CSMD1: variants seen among roughly 807,000 people sequenced by gnomAD.
CSMD1 encodes the protein CUB and sushi domain-containing protein 1.
Under a neutral mutation model 417.5 loss-of-function variants are expected in CSMD1, and 213 were observed. The ratio of observed to expected loss-of-function variants is 0.51; its 90% CI spans 0.46 to 0.57. CSMD1 has a LOEUF of 0.57. Among genes scored for constraint, CSMD1 ranks in the 20% least tolerant of loss-of-function variants. The pLI is 0.00. For missense variants in CSMD1, 6,923 were observed against 4,529.7 expected, an observed-to-expected ratio of 1.53 and a Z score of -15.17; for synonymous variants, 2,862 against 1,736.8, an observed-to-expected ratio of 1.65 and a Z score of -16.11.
chr8:3,157,697 G>C (rs998526971), intron 39 of CSMD1, among the ~76,000 whole-genome samples, 200 bp downstream of exon 39: 2 of 152,244 alleles, frequency 1.3e-5, no homozygotes, highest in African/African-American at 4.8e-5. Context: ...GACACACTGA[G>C]AAGACGGAGT....
At chr8:3,457,185 C>T (rs554850228) in intron 12 of CSMD1, among the ~76,000 whole-genome samples, 64 of 151,736 alleles carry the variant, frequency 4.2e-4, no homozygotes, top group East Asian at 2.1e-3. Flanking sequence ...GACTCCTCAT[C>T]GTGGACTCCT....
chr8:3,110,465 A>C, intron 42 of CSMD1, 130 bp from the exon 43 acceptor site: 1 of 706,738 alleles, frequency 1.4e-6, no homozygotes, highest in Non-Finnish European at 2.1e-6. Flanking sequence ...ATATTTCTGA[A>C]TCACCATTTT....
chr8:4,985,051 G>T (rs1205337652), intron 1 of CSMD1, among the ~76,000 whole-genome samples: 1 of 152,168 alleles, frequency 6.6e-6, no homozygotes, highest in Non-Finnish European at 1.5e-5. Flanking sequence ...ACAAGATCAT[G>T]TCCTTTGCAG....
At chr8:4,133,514 C>T (rs1803235975) in intron 3 of CSMD1, among the ~76,000 whole-genome samples, 1 of 152,184 alleles carries the variant, frequency 6.6e-6, no homozygotes, top group Non-Finnish European at 1.5e-5. Flanking sequence ...AATTATTCCT[C>T]ATATTCTACT....
rs1164719668 is a variant in CSMD1 at position 3,598,794 on chromosome 8, GA to G, written c.1098-12535del. Among the ~76,000 whole-genome samples the G allele has an allele frequency of 2.0e-5, 3 of 152,206 alleles. No homozygotes were observed. The East Asian group carries it at 5.8e-4, about 30-fold the overall frequency. ...AGCAGATACAAAGCACAGAAAAGCT[GA>G]AATTGGGCCAGGTGCAGTGACTCAC... is the stretch of plus-strand genomic sequence containing the variant. On this transcript the variant is annotated intron_variant, in intron 8 of 69. Transcript: ENST00000635120.
intron 10 of CSMD1, among the ~76,000 whole-genome samples, chr8:3,511,070 G>A (rs995731394): frequency 5.3e-5 from 8 of 151,848 alleles, no homozygotes; most frequent in African/African-American, 1.9e-4. Flanking sequence ...ATGACTTGAT[G>A]TCCTTTGCAG....
chr8:4,933,370 G>A lies in CSMD1; in HGVS notation c.85+60962C>T, dbSNP rs554049077. Among the ~76,000 whole-genome samples, 7 of 152,252 alleles carry A rather than the reference G, an allele frequency of 4.6e-5. No homozygotes were observed. The South Asian group carries it at 1.5e-3, about 32-fold the overall frequency. ...TATCCCCCATTTTGGTAAACTGTAA[G>A]TGCTGCTTCCTCCTCGCCATCTGAC... On this transcript the variant is annotated intron_variant, in intron 1 of 69. Transcript: ENST00000635120.
chr8:3,630,919 T>C (rs1796753567), intron 7 of CSMD1, among the ~76,000 whole-genome samples: 1 of 152,164 alleles, frequency 6.6e-6, no homozygotes, highest in Non-Finnish European at 1.5e-5. Context: ...CGAGATCTCT[T>C]AGAGAAACAT....
At chr8:4,632,174 C>G (rs567243323) in intron 2 of CSMD1, among the ~76,000 whole-genome samples, 7 of 152,148 alleles carry the variant, frequency 4.6e-5, no homozygotes, top group Non-Finnish European at 1.0e-4. Context: ...TGCACAGTGG[C>G]AGGGATGAGT....
At chr8:3,789,516 A>C (rs1799617043) in intron 5 of CSMD1, among the ~76,000 whole-genome samples, 1 of 149,614 alleles carries the variant, frequency 6.7e-6, no homozygotes, top group South Asian at 2.1e-4. Flanking sequence ...GCTACCATTC[A>C]GGTTTTTATG....
intron 1 of CSMD1, among the ~76,000 whole-genome samples, chr8:4,805,035 A>G (rs1475616245): frequency 6.6e-6 from 1 of 152,218 alleles, no homozygotes; most frequent in Non-Finnish European, 1.5e-5. Context: ...TACAGAAAAC[A>G]AACTTTGTAA....
chr8:3,830,469 T>C (rs1486985534), intron 5 of CSMD1, among the ~76,000 whole-genome samples: 1 of 152,246 alleles, frequency 6.6e-6, no homozygotes, highest in South Asian at 2.1e-4. Context: ...TTTCTTTCTC[T>C]AAGCTCTGCA....
At chr8:4,112,361 C>T (rs967366813) in intron 3 of CSMD1, among the ~76,000 whole-genome samples, 5 of 152,188 alleles carry the variant, frequency 3.3e-5, no homozygotes, top group Non-Finnish European at 7.3e-5. Context: ...AGGGCTCCAT[C>T]GCAGAGAACC....
chr8:3,633,271 C>A (rs1371167789), intron 7 of CSMD1, among the ~76,000 whole-genome samples: 1 of 152,178 alleles, frequency 6.6e-6, no homozygotes, highest in African/African-American at 2.4e-5. Context: ...AGAAGTACCA[C>A]ATAAAATTAT....
intron 6 of CSMD1, among the ~76,000 whole-genome samples, chr8:3,732,158 C>A (rs1315178317): frequency 2.6e-5 from 4 of 152,206 alleles, no homozygotes; most frequent in Non-Finnish European, 5.9e-5. Flanking sequence ...GCCCTGAGTT[C>A]AGGTCACTCG....
At chr8:4,599,215 T>C (rs555990111) in intron 2 of CSMD1, among the ~76,000 whole-genome samples, 2 of 152,118 alleles carry the variant, frequency 1.3e-5, no homozygotes, top group African/African-American at 4.8e-5. Context: ...AGCACAATGA[T>C]TCAGATAGGA....
At chr8:3,275,079 T>G (rs920561232) in intron 26 of CSMD1, among the ~76,000 whole-genome samples, 3 of 152,200 alleles carry the variant, frequency 2.0e-5, no homozygotes, top group Non-Finnish European at 4.4e-5. Context: ...TTTGTTCCTT[T>G]CCATGTTTAG....
intron 1 of CSMD1, among the ~76,000 whole-genome samples, chr8:4,980,795 C>G (rs1324673938): frequency 1.3e-5 from 2 of 151,900 alleles, no homozygotes; most frequent in African/African-American, 4.8e-5. Flanking sequence ...GTCCCAGCTA[C>G]TTGGGGGCTG....
At chr8:3,320,961 A>T (rs1329065872) in intron 23 of CSMD1, among the ~76,000 whole-genome samples, 1 of 152,204 alleles carries the variant, frequency 6.6e-6, no homozygotes, top group Admixed American at 6.5e-5. Flanking sequence ...TGGAGTACGT[A>T]ACCAACATTT....
Sources: allele counts gnomAD v4.1 joint callset (sites outside exome capture counted in the v4.1 genomes callset), GRCh38; gene constraint gnomAD v4.1.1; transcripts MANE v1.5; gene names NCBI Gene and HGNC (gene_info 2026-07-23, HGNC 2026-07-21).